IQCE: variants seen among roughly 807,000 people sequenced by gnomAD.
IQCE encodes the protein IQ motif containing E.
IQCE carries 115 observed loss-of-function variants against 96.0 expected under a neutral mutation model. The ratio of observed to expected loss-of-function variants is 1.20; its 90% CI spans 1.03 to 1.40. IQCE has a LOEUF of 1.40. Among genes scored for constraint, IQCE ranks in the 40% most tolerant of loss-of-function variants. IQCE has a pLI of 0.00. For synonymous variants in IQCE, 412 were observed against 371.2 expected, an observed-to-expected ratio of 1.11 and a Z score of -1.26; for missense variants, 1,041 against 909.1, an observed-to-expected ratio of 1.15 and a Z score of -1.87.
At position 2,610,421 on chromosome 7, in the gene IQCE, C is replaced by A; in HGVS notation, c.*259C>A. 2.3e-6 allele frequency: 1 copy of A among 433,294 alleles called. No individual in the cohort carries two copies. Among genetic ancestry groups the A allele is most frequent in the Non-Finnish European group, 4.2e-6 (1 of 235,594 alleles). The allele number at this position is 433,294 out of a possible 1,614,324, so 26.8% of individuals were successfully genotyped here. On this transcript the variant is annotated 3_prime_UTR_variant, in exon 22 of 22. Coordinates refer to ENST00000402050, the MANE Select transcript of IQCE (RefSeq NM_152558.5). ...ATGGTGGATTTTCAGTGCCAACAGA[C>A]ACATCTGCCGTGAACTCGCAGATGC...
At chr7:2,584,453 T>G in intron 11 of IQCE, 168 bp downstream of exon 11, 1 of 716,802 alleles carries the variant, frequency 1.4e-6, no homozygotes, top group African/African-American at 1.7e-5. Context: ...ACGTTTCCAT[T>G]TGCAGTGTTC....
intron 1 of IQCE, 70 bp from the exon 2 acceptor site, chr7:2,567,046 T>A: frequency 7.1e-7 from 1 of 1,403,438 alleles, no homozygotes; most frequent in Non-Finnish European, 1.0e-6. Flanking sequence ...CTGTTTTCGC[T>A]TTTGTAAACG....
At chr7:2,586,062 C>A in intron 11 of IQCE, 146 bp from the exon 12 acceptor site, 1 of 662,930 alleles carries the variant, frequency 1.5e-6, no homozygotes, top group Non-Finnish European at 2.5e-6. Context: ...GTTATTACTG[C>A]CTATTCGATT....
At position 2,572,188 on chromosome 7, in the gene IQCE, C is replaced by T. The variant is rs753132450; in HGVS notation, c.260-4C>T. On this transcript the variant is annotated splice_polypyrimidine_tract_variant and splice_region_variant and intron_variant, in intron 4 of 21. Transcript: ENST00000402050. The stretch of plus-strand genomic sequence containing the variant: ...CATATTAAACCCATGCACATTCAAA[C>T]CAGGAAGTCTGACCCAGGCCCTGAA... 2.7e-5 allele frequency: 43 copies of T among 1,611,554 alleles called. No homozygotes were observed. Among genetic ancestry groups the T allele is most frequent in the Non-Finnish European group, 3.6e-5 (43 of 1,178,992 alleles).
At chr7:2,596,087 G>A (rs551246485) in intron 16 of IQCE, among the ~76,000 whole-genome samples, 2 of 152,352 alleles carry the variant, frequency 1.3e-5, no homozygotes, top group East Asian at 3.9e-4. Flanking sequence ...TGAGGCTGCA[G>A]TTTGCTCTAA....
intron 13 of IQCE, among the ~76,000 whole-genome samples, 164 bp downstream of exon 13, chr7:2,588,041 T>C (rs1445166672): frequency 1.3e-5 from 2 of 152,234 alleles, no homozygotes; most frequent in Non-Finnish European, 2.9e-5. Flanking sequence ...TAGACAACGC[T>C]GAAGGCAGCT....
At chr7:2,566,054 T>C (rs1781347927) in intron 1 of IQCE, among the ~76,000 whole-genome samples, 1 of 152,172 alleles carries the variant, frequency 6.6e-6, no homozygotes, top group South Asian at 2.1e-4. Flanking sequence ...AGCATCCCAT[T>C]ATGATACTGC....
intron 15 of IQCE, among the ~76,000 whole-genome samples, chr7:2,593,914 T>C (rs529852145): frequency 4.6e-5 from 7 of 152,342 alleles, no homozygotes; most frequent in Admixed American, 1.3e-4. Flanking sequence ...GTTAGAAATC[T>C]GAGCAGACAT....
chr7:2,607,941 G>A (rs1784948501), intron 21 of IQCE, among the ~76,000 whole-genome samples: 1 of 152,228 alleles, frequency 6.6e-6, no homozygotes, highest in South Asian at 2.1e-4. Flanking sequence ...AGTGTGGCGT[G>A]CGGGGCTGTT....
chr7:2,559,353 G>A (rs947793309), intron 1 of IQCE, 136 bp downstream of exon 1: 5 of 395,828 alleles, frequency 1.3e-5, no homozygotes, highest in Middle Eastern at 7.5e-4. Flanking sequence ...GGTGACAGCT[G>A]CCATTATTGT....
chr7:2,564,262 G>T (rs1781197254), intron 1 of IQCE, among the ~76,000 whole-genome samples: 1 of 151,850 alleles, frequency 6.6e-6, no homozygotes, highest in African/African-American at 2.4e-5. Flanking sequence ...TTTCCCTTGT[G>T]ATTTCGTCTT....
At chr7:2,601,595 C>G (rs979356341) in intron 18 of IQCE, 131 bp downstream of exon 18, 6 of 758,040 alleles carry the variant, frequency 7.9e-6, no homozygotes, top group African/African-American at 5.2e-5. Flanking sequence ...TGTGGCCCAG[C>G]CTGGAGTGCA....
chr7:2,599,551 C>CA (rs990167218), intron 17 of IQCE, among the ~76,000 whole-genome samples: 11 of 151,942 alleles, frequency 7.2e-5, no homozygotes, highest in Non-Finnish European at 1.2e-4. Context: ...GGCTGGAGTG[C>CA]AGTGGCACAA....
Position 2,573,499 on chromosome 7 carries a change from G to A in IQCE, c.465+11G>A, listed in dbSNP as rs62442626. 0.11 allele frequency: 156,746 copies of A among 1,418,002 alleles called. 9,737 individuals are homozygous for A. Among genetic ancestry groups the A allele is most frequent in the Non-Finnish European group, 0.12 (119,635 of 1,003,924 alleles). The allele number at this position is 1,418,002 out of a possible 1,614,324, so 87.8% of individuals were successfully genotyped here. A position where few individuals can be genotyped will look rare whatever the true frequency, so the allele number is the denominator to read the frequency against. On this transcript the variant is annotated intron_variant, in intron 6 of 21. Coordinates refer to ENST00000402050, the MANE Select transcript of IQCE (RefSeq NM_152558.5). ...ATTGAGTTAAAGAAGGTAGTATTTC[G>A]GTTTGTTCTCTATTGATTTGAAACG...
chr7:2,583,809 C>T (rs1460587887), intron 10 of IQCE, 100 bp downstream of exon 10: 1 of 83,702 alleles, frequency 1.2e-5, no homozygotes, highest in Admixed American at 1.3e-4. Context: ...GGGCGGGCAC[C>T]GTGCTGGGCG....
rs1351807975 is a variant in IQCE, at chr7:2,591,954, GGC to G, written c.1245-1066_1245-1065del. ...GGCCTCCCAAAGTGCTGGGATTACAGGCGTGAGCCACCGCACCCGGGCCTGCC... is the reference window on the plus strand; with the variant it reads ...GGCCTCCCAAAGTGCTGGGATTACAGGTGAGCCACCGCACCCGGGCCTGCC... On this transcript the variant is annotated intron_variant, in intron 14 of 21. Coordinates refer to ENST00000402050, the MANE Select transcript of IQCE (RefSeq NM_152558.5). 4.2e-3 allele frequency among the ~76,000 whole-genome samples: 535 copies of G among 128,822 alleles called. 2 individuals carry two copies. Among genetic ancestry groups the G allele is most frequent in the African/African-American group, 8.2e-3 (272 of 33,358 alleles). The allele number at this position is 128,822 out of a possible 152,430, so 84.5% of individuals were successfully genotyped here.
rs1409650610 is a variant in IQCE at position 2,568,058 on chromosome 7, G to C, written c.84+895G>C. Among the ~76,000 whole-genome samples the C allele has an allele frequency of 3.9e-5, 6 of 152,324 alleles. 1 individual carries two copies. The highest frequency in any genetic ancestry group is 6.8e-3 in the Middle Eastern group (2 of 294). On this transcript the variant is annotated intron_variant, in intron 2 of 21. Coordinates refer to ENST00000402050, the MANE Select transcript of IQCE (RefSeq NM_152558.5). ...CGGTCTAGTGCAAGGTGATGAGGAA[G>C]TTAAGGTTGGAAGCATGGCAGCATC...
chr7:2,596,588 A>G (rs1196515467), intron 16 of IQCE, among the ~76,000 whole-genome samples: 3 of 152,216 alleles, frequency 2.0e-5, no homozygotes, highest in Non-Finnish European at 2.9e-5. Flanking sequence ...GGAATGATTA[A>G]TTGTAGGTTA....
chr7:2,605,037 C>T, intron 19 of IQCE, 46 bp downstream of exon 19: 1 of 1,341,948 alleles, frequency 7.5e-7, no homozygotes, highest in South Asian at 1.2e-5. Flanking sequence ...TGCAGAGCTG[C>T]TCGTCTCGCA....
Sources: gnomAD v4.1 joint callset for allele counts (sites outside exome capture counted in the v4.1 genomes callset) on GRCh38, gnomAD v4.1.1 for gene constraint, MANE v1.5 for transcripts, NCBI Gene and HGNC (gene_info 2026-07-23, HGNC 2026-07-21) for gene names.